Variants in PTCHD4 observed in about 807,000 individuals in gnomAD.
PTCHD4 encodes patched domain containing 4.
In PTCHD4, 33 loss-of-function variants were observed where a neutral mutation model predicts 58.1. The ratio of observed to expected loss-of-function variants is 0.57; its 90% CI spans 0.43 to 0.76. The LOEUF is 0.76. Ranked by LOEUF, PTCHD4 falls within the 30% of genes least tolerant of loss-of-function variation. The probability of loss-of-function intolerance (pLI) is 0.00; values close to 1 mark genes in which losing one functional copy is unlikely to be tolerated. For synonymous variants in PTCHD4, 478 were observed against 409.6 expected, an observed-to-expected ratio of 1.17 and a Z score of -2.02; for missense variants, 1,058 against 1,027.1, an observed-to-expected ratio of 1.03 and a Z score of -0.41.
intron 4 of PTCHD4, among the ~76,000 whole-genome samples, chr6:47,982,673 G>C (rs953840265): frequency 6.6e-6 from 1 of 151,978 alleles, no homozygotes; most frequent in Non-Finnish European, 1.5e-5. Context: ...ATTTTCAGTA[G>C]AGACGGGGTT....
Position 47,857,924 on chromosome 6 carries a change from C to T in PTCHD4, c.*20379G>A, listed in dbSNP as rs923085622. Among the ~76,000 whole-genome samples, 2 of 151,912 alleles carry T rather than the reference C, an allele frequency of 1.3e-5. No individual in the cohort carries two copies. The highest frequency in any genetic ancestry group is 1.9e-4 in the East Asian group (1 of 5,158). On this transcript the variant is annotated 3_prime_UTR_variant, in exon 5 of 5. Transcript: ENST00000339488. Reference sequence around the variant, plus strand: ...ATAAATAGTTCTATATCAAGGTACACATATGTACCTTGAAGACTAACAATA... The same window carrying T: ...ATAAATAGTTCTATATCAAGGTACATATATGTACCTTGAAGACTAACAATA...
chr6:47,896,375 C>T (rs1224568042), intron 4 of PTCHD4, among the ~76,000 whole-genome samples: 1 of 152,148 alleles, frequency 6.6e-6, no homozygotes, highest in African/African-American at 2.4e-5. Flanking sequence ...GATAAGTTTA[C>T]TGAGTCTATG....
chr6:47,987,974 A>G (rs1321414321), intron 4 of PTCHD4, among the ~76,000 whole-genome samples: 1 of 151,950 alleles, frequency 6.6e-6, no homozygotes, highest in Non-Finnish European at 1.5e-5. Context: ...ATGGGTTTTC[A>G]CCATGTTGGC....
At chr6:47,926,287 T>A (rs569289997) in intron 4 of PTCHD4, among the ~76,000 whole-genome samples, 17 of 152,356 alleles carry the variant, frequency 1.1e-4, no homozygotes, top group African/African-American at 3.1e-4. Context: ...TACAATATAT[T>A]ATTCTAATGG....
chr6:48,001,226 T>A (rs1030100500), intron 4 of PTCHD4, among the ~76,000 whole-genome samples: 5 of 152,162 alleles, frequency 3.3e-5, no homozygotes, highest in East Asian at 1.9e-4. Flanking sequence ...AAGCTACCAA[T>A]GACTTTCTTC....
chr6:47,948,185 T>C (rs1766494098), intron 4 of PTCHD4, among the ~76,000 whole-genome samples: 1 of 152,210 alleles, frequency 6.6e-6, no homozygotes, highest in Non-Finnish European at 1.5e-5. Flanking sequence ...TGTTGTAGTA[T>C]TGGGGCCTCC....
intron 3 of PTCHD4, among the ~76,000 whole-genome samples, chr6:48,016,300 T>C (rs1762867597): frequency 6.6e-6 from 1 of 152,008 alleles, no homozygotes; most frequent in South Asian, 2.1e-4. Flanking sequence ...ATGAAAGCCT[T>C]ATTAAGGAGT....
At chr6:47,947,789 T>C (rs1312958244) in intron 4 of PTCHD4, among the ~76,000 whole-genome samples, 1 of 152,204 alleles carries the variant, frequency 6.6e-6, no homozygotes, top group Non-Finnish European at 1.5e-5. Context: ...CCTTTGGACC[T>C]CATGACTCTG....
chr6:47,882,835 G>A (rs1276517460), intron 4 of PTCHD4, among the ~76,000 whole-genome samples: 1 of 146,554 alleles, frequency 6.8e-6, no homozygotes, highest in African/African-American at 2.5e-5. Flanking sequence ...GAATTAAATG[G>A]TTTTCTCAAG....
Position 47,872,925 on chromosome 6 carries a change from C to T in PTCHD4, c.*5378G>A, listed in dbSNP as rs1212843635. 2.6e-5 allele frequency among the ~76,000 whole-genome samples: 4 copies of T among 151,506 alleles called. No individual in the cohort carries two copies. The highest frequency in any genetic ancestry group is 5.9e-5 in the Non-Finnish European group (4 of 67,712). Reference sequence around the variant, plus strand: ...GGCTTCTCTATCAGCAATAGAGAGTCCTCATTAAGTATGAAAAAAACTGAT... The same window carrying T: ...GGCTTCTCTATCAGCAATAGAGAGTTCTCATTAAGTATGAAAAAAACTGAT... On this transcript the variant is annotated 3_prime_UTR_variant, in exon 5 of 5. Coordinates refer to ENST00000339488, the MANE Select transcript of PTCHD4 (RefSeq NM_001384253.1).
At chr6:47,939,747 C>G (rs1397325837) in intron 4 of PTCHD4, among the ~76,000 whole-genome samples, 1 of 152,036 alleles carries the variant, frequency 6.6e-6, no homozygotes, top group Admixed American at 6.5e-5. Context: ...TGTTAAAGTG[C>G]TTATTACAGT....
chr6:48,035,697 G>C (rs1379380152), intron 3 of PTCHD4, among the ~76,000 whole-genome samples: 2 of 152,086 alleles, frequency 1.3e-5, no homozygotes, highest in Non-Finnish European at 2.9e-5. Context: ...CTCAGTATCT[G>C]ATCACTTTCA....
intron 4 of PTCHD4, among the ~76,000 whole-genome samples, chr6:47,963,502 G>C (rs1455342219): frequency 6.6e-6 from 1 of 152,156 alleles, no homozygotes; most frequent in African/African-American, 2.4e-5. Flanking sequence ...CAAAGGAAAT[G>C]AAATCAGTAT....
intron 4 of PTCHD4, among the ~76,000 whole-genome samples, chr6:47,904,588 T>C (rs1327803889): frequency 1.3e-5 from 2 of 152,222 alleles, no homozygotes; most frequent in Non-Finnish European, 1.5e-5. Flanking sequence ...CTATCTCTTA[T>C]GTGCAAAATA....
chr6:48,007,675 C>G (rs1315455982), intron 4 of PTCHD4, among the ~76,000 whole-genome samples: 2 of 152,166 alleles, frequency 1.3e-5, no homozygotes, highest in Non-Finnish European at 2.9e-5. Context: ...TAGCAAAACC[C>G]CTAGCAAGCC....
intron 3 of PTCHD4, among the ~76,000 whole-genome samples, chr6:48,051,788 T>C (rs1270221001): frequency 6.6e-6 from 1 of 151,992 alleles, no homozygotes; most frequent in Non-Finnish European, 1.5e-5. Flanking sequence ...TATTACCAAT[T>C]GAGATAAGCA....
intron 1 of PTCHD4, among the ~76,000 whole-genome samples, chr6:48,078,581 C>T (rs1188615226): frequency 1.3e-5 from 2 of 152,108 alleles, no homozygotes; most frequent in Non-Finnish European, 2.9e-5. Flanking sequence ...TAGATTTATT[C>T]TCTTCTTAAA....
At chr6:47,886,851 C>T (rs1764208201) in intron 4 of PTCHD4, among the ~76,000 whole-genome samples, 1 of 152,194 alleles carries the variant, frequency 6.6e-6, no homozygotes, top group Non-Finnish European at 1.5e-5. Flanking sequence ...CATGCGTGAT[C>T]TCTAACACTT....
At chr6:48,066,184 T>C (rs1764790273) in intron 3 of PTCHD4, among the ~76,000 whole-genome samples, 1 of 152,050 alleles carries the variant, frequency 6.6e-6, no homozygotes, top group African/African-American at 2.4e-5. Flanking sequence ...TTTGCTTTTC[T>C]TGCCCCAAAC....
Sources: gnomAD v4.1 joint callset for allele counts (sites outside exome capture counted in the v4.1 genomes callset) on GRCh38, gnomAD v4.1.1 for gene constraint, MANE v1.5 for transcripts, NCBI Gene and HGNC (gene_info 2026-07-23, HGNC 2026-07-21) for gene names.